Variants in NPHP1 observed in about 807,000 individuals in gnomAD.
NPHP1 encodes the protein nephrocystin 1, also known as nephrocystin-1.
Under a neutral mutation model 90.4 loss-of-function variants are expected in NPHP1, and 70 were observed. The ratio of observed to expected loss-of-function variants is 0.77; its 90% confidence interval spans 0.64 to 0.95. NPHP1 has a LOEUF of 0.95. NPHP1 is among the 40% of genes least tolerant of loss of function. The pLI, the probability that NPHP1 is intolerant of heterozygous loss-of-function variation, is 0.00. For missense variants in NPHP1, 764 were observed against 795.9 expected (o/e 0.96, Z 0.48); for synonymous variants, 256 against 271.7 (o/e 0.94, Z 0.57).
chr2:110,173,926 A>T (rs1045565053), intron 4 of NPHP1, among the ~76,000 whole-genome samples: 3 of 151,966 alleles, frequency 2.0e-5, no homozygotes, highest in African/African-American at 7.2e-5. Context: ...ATTTAGGAAG[A>T]TTTTTTTTCC....
chr2:110,141,766 T>A (rs1373461193), intron 16 of NPHP1, among the ~76,000 whole-genome samples: 2 of 150,970 alleles, frequency 1.3e-5, no homozygotes, highest in Non-Finnish European at 3.0e-5. Flanking sequence ...AGGTCAGGAG[T>A]TCGAGACCAT....
intron 3 of NPHP1, chr2:110,179,047 G>A (rs1043705335): frequency 7.0e-5 from 11 of 157,414 alleles, no homozygotes; most frequent in African/African-American, 2.7e-4. Context: ...TGCAGTAAAG[G>A]GGAGTAATAT....
chr2:110,157,948 T>C (rs1391580842), intron 11 of NPHP1, among the ~76,000 whole-genome samples: 2 of 152,206 alleles, frequency 1.3e-5, no homozygotes, highest in Non-Finnish European at 2.9e-5. Flanking sequence ...GCTATAAATG[T>C]CCCTCTAAGC....
chr2:110,187,048 T>C (rs1684331489), intron 2 of NPHP1, among the ~76,000 whole-genome samples: 1 of 152,064 alleles, frequency 6.6e-6, no homozygotes, highest in Non-Finnish European at 1.5e-5. Flanking sequence ...TTTATATCAC[T>C]AAATGCCCAC....
At chr2:110,134,783 C>T (rs1680044374) in intron 16 of NPHP1, among the ~76,000 whole-genome samples, 1 of 151,986 alleles carries the variant, frequency 6.6e-6, no homozygotes, top group Non-Finnish European at 1.5e-5. Context: ...ATTTGACACC[C>T]TTTCATGATA....
chr2:110,192,817 A>G (rs1684849519), intron 2 of NPHP1, among the ~76,000 whole-genome samples: 2 of 152,218 alleles, frequency 1.3e-5, no homozygotes, highest in Non-Finnish European at 2.9e-5. Context: ...TCTCAGCAGA[A>G]ACTCTACAAG....
rs557094055 is a variant in NPHP1, at chr2:110,158,443, C to T, written c.1083+1684G>A. Among the ~76,000 whole-genome samples the T allele has an allele frequency of 6.5e-4, 99 of 152,122 alleles. 1 individual carries two copies. The highest frequency in any genetic ancestry group is 2.3e-3 in the African/African-American group (94 of 41,546). The stretch of plus-strand genomic sequence containing the variant: ...GCCCCAACTATAATTGTGACTTTGT[C>T]GGTTTCTCTTTTCAGTTCTAACCAT... On this transcript the variant is annotated intron_variant, in intron 11 of 19. Coordinates refer to ENST00000445609, the MANE Select transcript of NPHP1 (RefSeq NM_001128178.3).
chr2:110,123,920 G>A lies in NPHP1; in HGVS notation c.1905C>T (p.Phe635=), dbSNP rs1274438811. ...ETARWKVITD[F]LKQNQENQGA... is the part of the protein sequence containing the mutation. ...CCTGGTTTTCTTGGTTTTGCTTAAGGAAGTCAGTGATAACTTTCCACCGTG... is the reference window on the plus strand; with the variant it reads ...CCTGGTTTTCTTGGTTTTGCTTAAGAAAGTCAGTGATAACTTTCCACCGTG... Residue 635 remains phenylalanine (F), a synonymous_variant, in exon 20 of 20, where the codon TTC becomes TTT. Coordinates refer to ENST00000445609, the MANE Select transcript of NPHP1 (RefSeq NM_001128178.3). 1.2e-6 allele frequency: 2 copies of A among 1,614,094 alleles called. No homozygotes were observed. The highest frequency in any genetic ancestry group is 1.7e-5 in the Admixed American group (1 of 60,018).
At position 110,123,668 on chromosome 2, in the gene NPHP1, G is replaced by C; in HGVS notation, c.*123C>G. On this transcript the variant is annotated 3_prime_UTR_variant, in exon 20 of 20. Transcript: ENST00000445609. Reference sequence around the variant, plus strand: ...CATTTCTTTAAAAATATGGTCTGTAGAAAGAAAAGAGTAAAACCTAAGTTG... The same window carrying C: ...CATTTCTTTAAAAATATGGTCTGTACAAAGAAAAGAGTAAAACCTAAGTTG... 2 of 928,092 alleles carry C rather than the reference G, an allele frequency of 2.2e-6. No homozygotes were observed. Among genetic ancestry groups the C allele is most frequent in the Non-Finnish European group, 3.4e-6 (2 of 583,078 alleles). 57.5% of individuals were successfully genotyped at this position (928,092 alleles called of 1,614,324 possible). A position where few individuals can be genotyped will look rare whatever the true frequency, so the allele number is the denominator to read the frequency against.
chr2:110,157,236 A>T (rs967731449), intron 11 of NPHP1, among the ~76,000 whole-genome samples: 20 of 152,180 alleles, frequency 1.3e-4, no homozygotes, highest in Non-Finnish European at 2.1e-4. Flanking sequence ...TTGATATATT[A>T]TTGAAAATAA....
intron 17 of NPHP1, among the ~76,000 whole-genome samples, chr2:110,129,876 A>G (rs1370110555): frequency 6.6e-6 from 1 of 152,230 alleles, no homozygotes; most frequent in Non-Finnish European, 1.5e-5. Flanking sequence ...ACATCAGGAA[A>G]GACATGTCTT....
At chr2:110,141,477 A>G (rs1680625281) in intron 16 of NPHP1, among the ~76,000 whole-genome samples, 1 of 152,096 alleles carries the variant, frequency 6.6e-6, no homozygotes, top group Admixed American at 6.6e-5. Context: ...TGAGTGAGAA[A>G]CTGATAGATC....
intron 11 of NPHP1, among the ~76,000 whole-genome samples, chr2:110,158,053 T>C (rs1293790144): frequency 6.6e-6 from 1 of 152,212 alleles, no homozygotes; most frequent in African/African-American, 2.4e-5. Flanking sequence ...AAATTTCCTT[T>C]TAACCCTTTG....
chr2:110,204,944 G>C lies in NPHP1; in HGVS notation c.25C>G (p.Pro9Ala), dbSNP rs1161685316. 2 of 1,614,050 alleles carry C rather than the reference G, an allele frequency of 1.2e-6. No homozygotes were observed. The highest frequency in any genetic ancestry group is 2.2e-5 in the South Asian group (2 of 91,076). Residue 9 changes from proline to alanine, a missense_variant, in exon 1 of 20, where the codon CCT becomes GCT. Transcript: ENST00000445609. ...TTGCGGCGCCGCAGGGCCTGGAGAGGATCTCGCTGTCGTCTCGCCAGCATC... is the reference window on the plus strand; with the variant it reads ...TTGCGGCGCCGCAGGGCCTGGAGAGCATCTCGCTGTCGTCTCGCCAGCATC... The part of the protein sequence containing the change: MLARRQRD[P>A]LQALRRRNQE...
intron 16 of NPHP1, among the ~76,000 whole-genome samples, chr2:110,133,826 AGAAAT>A (rs1342165131): frequency 6.6e-6 from 1 of 152,062 alleles, no homozygotes; most frequent in Non-Finnish European, 1.5e-5. Flanking sequence ...AAATATCTTG[AGAAAT>A]GAAATGAAAA....
At chr2:110,184,264 C>G (rs1223598573) in intron 2 of NPHP1, 5 of 587,978 alleles carry the variant, frequency 8.5e-6, no homozygotes, top group African/African-American at 1.8e-5. Flanking sequence ...GGGCTGCTCT[C>G]AATCTGCTAT....
At chr2:110,151,665 C>T (rs147586421) in intron 11 of NPHP1, among the ~76,000 whole-genome samples, 320 of 152,166 alleles carry the variant, frequency 2.1e-3, no homozygotes, top group African/African-American at 7.4e-3. Context: ...CCACTTCCTT[C>T]GATTGCTAAT....
chr2:110,165,886 C>A (rs1184023035), intron 6 of NPHP1, among the ~76,000 whole-genome samples: 1 of 152,062 alleles, frequency 6.6e-6, no homozygotes, highest in African/African-American at 2.4e-5. Flanking sequence ...ATTACACAAT[C>A]CATACAAGTA....
intron 16 of NPHP1, among the ~76,000 whole-genome samples, chr2:110,142,519 A>AT (rs1211978722): frequency 0.044 from 6,427 of 146,020 alleles, 444 homozygotes; most frequent in African/African-American, 0.15. Context: ...TACCCAGCTA[A>AT]TTTTTTTTTT....
Sources: gnomAD v4.1 joint callset for allele counts (sites outside exome capture counted in the v4.1 genomes callset) on GRCh38, gnomAD v4.1.1 for gene constraint, MANE v1.5 for transcripts, NCBI Gene and HGNC (gene_info 2026-07-23, HGNC 2026-07-21) for gene names.